Variants in RGS6 observed in about 807,000 individuals in gnomAD.
The protein encoded by RGS6 is regulator of G-protein signaling 6.
RGS6 carries 30 observed loss-of-function variants against 78.5 expected under a neutral mutation model. That is an observed-to-expected ratio of 0.38 (90% CI 0.29 to 0.52). The LOEUF (loss-of-function observed/expected upper bound fraction) is 0.52, where lower values mean the gene tolerates loss of function less well. Among genes scored for constraint, RGS6 ranks in the 20% least tolerant of loss-of-function variants. RGS6 has a pLI of 0.85. For missense variants in RGS6, 495 were observed against 609.7 expected (o/e 0.81, Z 1.98); for synonymous variants, 206 against 206.0 (o/e 1.00, Z 0.00).
intron 2 of RGS6, among the ~76,000 whole-genome samples, chr14:72,280,765 C>G (rs1446238335): frequency 1.3e-5 from 2 of 152,196 alleles, no homozygotes; most frequent in Non-Finnish European, 2.9e-5. Context: ...CATGCTGAAA[C>G]AGAGGTTACT....
At chr14:72,514,825 C>T (rs906414945) in intron 14 of RGS6, among the ~76,000 whole-genome samples, 5 of 152,114 alleles carry the variant, frequency 3.3e-5, no homozygotes, top group African/African-American at 7.2e-5. Context: ...TGGGGAGGAG[C>T]GGTACCTGCA....
intron 2 of RGS6, among the ~76,000 whole-genome samples, chr14:72,021,159 T>C (rs867951700): frequency 2.0e-5 from 3 of 152,190 alleles, no homozygotes; most frequent in Non-Finnish European, 2.9e-5. Context: ...ACTTTTCTTT[T>C]CTAATGGCCA....
At chr14:72,494,512 T>G (rs1415881949) in intron 12 of RGS6, among the ~76,000 whole-genome samples, 1 of 152,132 alleles carries the variant, frequency 6.6e-6, no homozygotes, top group Non-Finnish European at 1.5e-5. Context: ...TTTTAGTATA[T>G]ATAATCATTT....
intron 3 of RGS6, among the ~76,000 whole-genome samples, chr14:72,380,108 G>A (rs2085689165): frequency 6.6e-6 from 1 of 151,854 alleles, no homozygotes. Flanking sequence ...CAAAAAATCA[G>A]ATATCCATAT....
chr14:72,526,483 C>T (rs1177541006), intron 15 of RGS6, among the ~76,000 whole-genome samples: 2 of 150,534 alleles, frequency 1.3e-5, no homozygotes, highest in Non-Finnish European at 2.9e-5. Context: ...TTTGAAGCTA[C>T]ACTTTTCTAA....
At chr14:72,132,872 G>A (rs2096357147) in intron 2 of RGS6, among the ~76,000 whole-genome samples, 1 of 150,246 alleles carries the variant, frequency 6.7e-6, no homozygotes, top group Non-Finnish European at 1.5e-5. Flanking sequence ...ATTGATCTTA[G>A]TATCTTTGGC....
At chr14:72,136,892 C>T (rs1236090419) in intron 2 of RGS6, among the ~76,000 whole-genome samples, 1 of 152,236 alleles carries the variant, frequency 6.6e-6, no homozygotes, top group Non-Finnish European at 1.5e-5. Flanking sequence ...TGACTATTTT[C>T]TTGTATGCTA....
At chr14:72,353,436 G>C (rs1176947618) in intron 3 of RGS6, among the ~76,000 whole-genome samples, 1 of 152,130 alleles carries the variant, frequency 6.6e-6, no homozygotes, top group African/African-American at 2.4e-5. Context: ...TTAATCTCTA[G>C]GTCATTTTTC....
chr14:71,925,728 A>G, the RGS6 span, among the ~76,000 whole-genome samples: 1 of 149,994 alleles, frequency 6.7e-6, no homozygotes, highest in Admixed American at 6.6e-5. Flanking sequence ...ATATTATATT[A>G]TATTATATTA....
chr14:72,415,829 T>C (rs2093769246), intron 3 of RGS6, among the ~76,000 whole-genome samples: 1 of 152,244 alleles, frequency 6.6e-6, no homozygotes, highest in African/African-American at 2.4e-5. Flanking sequence ...CATTTGATTG[T>C]ACACTTGTAT....
chr14:71,961,998 A>G (rs1011399706), intron 1 of RGS6, among the ~76,000 whole-genome samples: 1 of 152,336 alleles, frequency 6.6e-6, no homozygotes, highest in African/African-American at 2.4e-5. Flanking sequence ...ATCTTTACCT[A>G]TGTAGGTTTC....
chr14:72,448,169 C>T (rs540228600), intron 3 of RGS6, among the ~76,000 whole-genome samples: 1 of 152,202 alleles, frequency 6.6e-6, no homozygotes, highest in African/African-American at 2.4e-5. Flanking sequence ...GGGTAAGGGA[C>T]CTGCCCAGGT....
chr14:72,293,260 A>G (rs1377445885), intron 2 of RGS6, among the ~76,000 whole-genome samples: 1 of 152,204 alleles, frequency 6.6e-6, no homozygotes, highest in Non-Finnish European at 1.5e-5. Flanking sequence ...GTTCAAGATA[A>G]TTGTGTTTCA....
the RGS6 span, among the ~76,000 whole-genome samples, chr14:71,917,754 G>A: frequency 4.6e-5 from 7 of 152,288 alleles, no homozygotes; most frequent in South Asian, 2.1e-4. Context: ...GTCATCTTTC[G>A]GTAGTGTGTC....
At chr14:72,218,511 G>A (rs2046116980) in intron 2 of RGS6, among the ~76,000 whole-genome samples, 1 of 151,914 alleles carries the variant, frequency 6.6e-6, no homozygotes. Flanking sequence ...TAACTCTGGA[G>A]GAAATACAGG....
chr14:72,509,187 AC>A (rs1490452775), intron 13 of RGS6, among the ~76,000 whole-genome samples: 1 of 151,396 alleles, frequency 6.6e-6, no homozygotes, highest in Non-Finnish European at 1.5e-5. Context: ...ACATGGTGAA[AC>A]CCTGTCTCTA....
At chr14:72,378,854 C>T (rs2152874168) in intron 3 of RGS6, among the ~76,000 whole-genome samples, 1 of 152,000 alleles carries the variant, frequency 6.6e-6, no homozygotes, top group East Asian at 1.9e-4. Flanking sequence ...ACCAGTGTAA[C>T]TAACTAGATA....
At chr14:71,917,945 G>C in the RGS6 span, among the ~76,000 whole-genome samples, 2 of 151,918 alleles carry the variant, frequency 1.3e-5, no homozygotes, top group Admixed American at 1.3e-4. Context: ...AGGCCGAGAC[G>C]GGCGCATCAC....
At chr14:72,586,469 G>C in the RGS6 span, among the ~76,000 whole-genome samples, 2 of 152,124 alleles carry the variant, frequency 1.3e-5, no homozygotes, top group African/African-American at 4.8e-5. Flanking sequence ...AGCAGATGCT[G>C]GTGTCATGCT....
Sources: allele counts gnomAD v4.1 joint callset (sites outside exome capture counted in the v4.1 genomes callset), GRCh38; gene constraint gnomAD v4.1.1; transcripts MANE v1.5; gene names NCBI Gene and HGNC (gene_info 2026-07-23, HGNC 2026-07-21).